Variants in BMAL1 observed in about 807,000 individuals in gnomAD.
BMAL1 encodes the protein basic helix-loop-helix ARNT like 1.
At chr11:13,377,579 ACTTT>A in the BMAL1 span, among the ~76,000 whole-genome samples, 1 of 152,028 alleles carries the variant, frequency 6.6e-6, no homozygotes, top group South Asian at 2.1e-4. Flanking sequence ...CCTGCCGTGG[ACTTT>A]CTAATAACCC....
the BMAL1 span, among the ~76,000 whole-genome samples, chr11:13,294,275 G>A: frequency 3.3e-5 from 5 of 152,248 alleles, no homozygotes; most frequent in Middle Eastern, 3.4e-3. Flanking sequence ...TTCACAGTGC[G>A]CTCTAAACTC....
the BMAL1 span, among the ~76,000 whole-genome samples, chr11:13,280,909 C>T: frequency 6.6e-6 from 1 of 152,186 alleles, no homozygotes; most frequent in South Asian, 2.1e-4. Context: ...TGGCCTCTCA[C>T]CATGGGCAAG....
chr11:13,317,248 G>A, the BMAL1 span, among the ~76,000 whole-genome samples: 1,992 of 152,264 alleles, frequency 0.013, 47 homozygotes, highest in African/African-American at 0.044. Flanking sequence ...AGTGCTTTTT[G>A]AATTGCACAT....
chr11:13,352,518 C>T, the BMAL1 span, among the ~76,000 whole-genome samples: 1 of 152,106 alleles, frequency 6.6e-6, no homozygotes, highest in African/African-American at 2.4e-5. Flanking sequence ...TTTAGACTGG[C>T]AAGAGCTCTT....
At chr11:13,294,479 A>G in the BMAL1 span, among the ~76,000 whole-genome samples, 1 of 152,358 alleles carries the variant, frequency 6.6e-6, no homozygotes, top group Admixed American at 6.5e-5. Flanking sequence ...CTCTCAAGCC[A>G]AACCACGAAT....
chr11:13,315,327 G>A, the BMAL1 span, among the ~76,000 whole-genome samples: 2 of 152,142 alleles, frequency 1.3e-5, no homozygotes, highest in Non-Finnish European at 2.9e-5. Flanking sequence ...CTCCTCCTCA[G>A]AAGCCTCCCC....
At chr11:13,292,436 C>A in the BMAL1 span, among the ~76,000 whole-genome samples, 2 of 151,432 alleles carry the variant, frequency 1.3e-5, no homozygotes, top group Admixed American at 1.3e-4. Flanking sequence ...AATCCCAGCT[C>A]CTCGGGAGGC....
At chr11:13,360,997 G>A in the BMAL1 span, among the ~76,000 whole-genome samples, 1 of 152,240 alleles carries the variant, frequency 6.6e-6, no homozygotes, top group East Asian at 1.9e-4. Context: ...ATGCCTTCTT[G>A]GGAGGCTGAG....
chr11:13,384,595 A>AAGGGAGG, the BMAL1 span, among the ~76,000 whole-genome samples: 1 of 152,192 alleles, frequency 6.6e-6, no homozygotes, highest in South Asian at 2.1e-4. Context: ...TTTTCCAACT[A>AAGGGAGG]CTTATCTGTG....
At chr11:13,278,554 G>T in the BMAL1 span, among the ~76,000 whole-genome samples, 1 of 152,236 alleles carries the variant, frequency 6.6e-6, no homozygotes, top group South Asian at 2.1e-4. Flanking sequence ...CCGCCCCTTC[G>T]GCCCTGTAGC....
the BMAL1 span, among the ~76,000 whole-genome samples, chr11:13,355,707 A>G: frequency 1.3e-5 from 2 of 152,166 alleles, no homozygotes; most frequent in Admixed American, 1.3e-4. Flanking sequence ...CAAAAGGGAG[A>G]GGGGAGTTTT....
At chr11:13,382,253 A>G in the BMAL1 span, among the ~76,000 whole-genome samples, 7 of 150,894 alleles carry the variant, frequency 4.6e-5, no homozygotes, top group East Asian at 7.8e-4. Flanking sequence ...GCTCCCCCCA[A>G]AAAAGGTTGA....
At chr11:13,361,672 A>G in the BMAL1 span, among the ~76,000 whole-genome samples, 5 of 152,200 alleles carry the variant, frequency 3.3e-5, no homozygotes, top group Non-Finnish European at 7.3e-5. Context: ...CCTGATGAAT[A>G]AATAGAGTTT....
the BMAL1 span, among the ~76,000 whole-genome samples, chr11:13,344,517 G>A: frequency 6.6e-6 from 1 of 152,210 alleles, no homozygotes; most frequent in Non-Finnish European, 1.5e-5. Flanking sequence ...AAGGACTGCC[G>A]ATTTCTGTCT....
chr11:13,333,380 C>T, the BMAL1 span, among the ~76,000 whole-genome samples: 2 of 152,202 alleles, frequency 1.3e-5, no homozygotes, highest in African/African-American at 2.4e-5. Flanking sequence ...GTTCCAGAAA[C>T]ACTTTTGGTT....
the BMAL1 span, chr11:13,378,200 A>T: frequency 8.2e-7 from 1 of 1,212,636 alleles, no homozygotes; most frequent in Non-Finnish European, 1.1e-6. Flanking sequence ...GACAAGCTGT[A>T]GCCCTAAAGT....
chr11:13,279,268 C>T, the BMAL1 span, among the ~76,000 whole-genome samples: 1 of 152,248 alleles, frequency 6.6e-6, no homozygotes, highest in African/African-American at 2.4e-5. Flanking sequence ...CTTGACACTA[C>T]CCGTATACCC....
At chr11:13,294,266 T>A in the BMAL1 span, among the ~76,000 whole-genome samples, 1 of 152,346 alleles carries the variant, frequency 6.6e-6, no homozygotes, top group African/African-American at 2.4e-5. Flanking sequence ...GAAATTATAT[T>A]CACAGTGCGC....
At chr11:13,378,432 A>G in the BMAL1 span, 1 of 1,612,404 alleles carries the variant, frequency 6.2e-7, no homozygotes, top group Non-Finnish European at 8.5e-7. Flanking sequence ...TGAGGAAATC[A>G]TGGAAATCCA....
Sources: gnomAD v4.1 joint callset for allele counts (sites outside exome capture counted in the v4.1 genomes callset) on GRCh38, gnomAD v4.1.1 for gene constraint, MANE v1.5 for transcripts, NCBI Gene and HGNC (gene_info 2026-07-23, HGNC 2026-07-21) for gene names.